Variants in CSMD1 observed in about 807,000 individuals in gnomAD.
CSMD1 encodes the protein CUB and sushi domain-containing protein 1.
Under a neutral mutation model 417.5 loss-of-function variants are expected in CSMD1, and 213 were observed. The observed-to-expected ratio is 0.51, with a 90% CI of 0.46 to 0.57. The LOEUF (loss-of-function observed/expected upper bound fraction) is 0.57. Ranked by LOEUF, CSMD1 falls within the 20% of genes least tolerant of loss-of-function variation. The pLI, the probability that CSMD1 is intolerant of heterozygous loss-of-function variation, is 0.00. For synonymous variants in CSMD1, 2,862 were observed against 1,736.8 expected (o/e 1.65, Z -16.11); for missense variants, 6,923 against 4,529.7 (o/e 1.53, Z -15.17).
At chr8:4,138,684 A>T (rs1249684143) in intron 3 of CSMD1, among the ~76,000 whole-genome samples, 3 of 152,200 alleles carry the variant, frequency 2.0e-5, no homozygotes, top group African/African-American at 7.2e-5. Flanking sequence ...TCAAAGTTAA[A>T]TTGTAATGAA....
intron 3 of CSMD1, among the ~76,000 whole-genome samples, chr8:4,146,492 C>A (rs1371031388): frequency 2.0e-5 from 3 of 149,696 alleles, no homozygotes; most frequent in Non-Finnish European, 2.9e-5. Flanking sequence ...TACCCAGTTC[C>A]TCAGACGTTG....
chr8:4,650,207 T>C (rs926388978), intron 1 of CSMD1, among the ~76,000 whole-genome samples: 1 of 151,466 alleles, frequency 6.6e-6, no homozygotes, highest in Non-Finnish European at 1.5e-5. Context: ...TAGCCGGGTG[T>C]GGTGGCGGGC....
intron 2 of CSMD1, 49 bp from the exon 3 acceptor site, chr8:4,420,114 C>A (rs1563154916): frequency 5.3e-6 from 7 of 1,330,930 alleles, no homozygotes; most frequent in South Asian, 5.1e-5. Context: ...ATGAATTTGT[C>A]AAAAAAAGCT....
chr8:4,496,382 G>T (rs1801979003), intron 2 of CSMD1, among the ~76,000 whole-genome samples: 1 of 152,122 alleles, frequency 6.6e-6, no homozygotes, highest in Non-Finnish European at 1.5e-5. Flanking sequence ...TCCTGACAGG[G>T]GGCTGGAGAG....
At chr8:4,689,591 G>C (rs1313047007) in intron 1 of CSMD1, among the ~76,000 whole-genome samples, 1 of 152,202 alleles carries the variant, frequency 6.6e-6, no homozygotes, top group Non-Finnish European at 1.5e-5. Context: ...GAATAACACA[G>C]TTCAGTAAGA....
At chr8:3,371,690 C>T (rs1218625211) in intron 18 of CSMD1, among the ~76,000 whole-genome samples, 3 of 152,146 alleles carry the variant, frequency 2.0e-5, no homozygotes, top group Admixed American at 6.5e-5. Context: ...TGACTAGCCT[C>T]ATCGTGCTCA....
chr8:4,915,593 G>A (rs370004035), intron 1 of CSMD1, among the ~76,000 whole-genome samples: 3 of 152,192 alleles, frequency 2.0e-5, no homozygotes, highest in African/African-American at 4.8e-5. Context: ...GGACAGCTGG[G>A]GGACTGTTGC....
At chr8:3,158,843 T>A (rs1819703144) in intron 38 of CSMD1, among the ~76,000 whole-genome samples, 1 of 152,108 alleles carries the variant, frequency 6.6e-6, no homozygotes, top group Non-Finnish European at 1.5e-5. Context: ...TAGAGGCAAT[T>A]GAAAAACAAT....
chr8:4,736,445 G>A (rs1351646715), intron 1 of CSMD1, among the ~76,000 whole-genome samples: 1 of 152,118 alleles, frequency 6.6e-6, no homozygotes, highest in African/African-American at 2.4e-5. Flanking sequence ...ACAGAGAGAA[G>A]CAGCAGGCCC....
At chr8:3,894,626 C>T (rs1236197693) in intron 5 of CSMD1, among the ~76,000 whole-genome samples, 2 of 152,128 alleles carry the variant, frequency 1.3e-5, no homozygotes, top group East Asian at 3.9e-4. Flanking sequence ...ATGCTCAGTG[C>T]TAAGGCTAAA....
intron 5 of CSMD1, among the ~76,000 whole-genome samples, chr8:3,877,699 T>G (rs994822835): frequency 6.6e-6 from 1 of 152,230 alleles, no homozygotes; most frequent in Non-Finnish European, 1.5e-5. Flanking sequence ...ACATTTTATA[T>G]ATTTTCATAT....
At chr8:2,960,961 T>TATATATATATATATATAC (rs1408815262) in intron 62 of CSMD1, among the ~76,000 whole-genome samples, 180 bp downstream of exon 62, 192 of 130,796 alleles carry the variant, frequency 1.5e-3, no homozygotes, top group East Asian at 8.6e-3. Flanking sequence ...TATATATATA[T>TATATATATATATATATAC]ATATACATAT....
intron 12 of CSMD1, among the ~76,000 whole-genome samples, chr8:3,451,755 C>A (rs1460998783): frequency 3.3e-5 from 5 of 152,164 alleles, no homozygotes; most frequent in Admixed American, 2.0e-4. Flanking sequence ...AGCATGACGC[C>A]TCCAGCTTTG....
intron 12 of CSMD1, among the ~76,000 whole-genome samples, chr8:3,449,671 C>G (rs1377943727): frequency 6.6e-5 from 10 of 152,072 alleles, no homozygotes; most frequent in East Asian, 1.9e-4. Context: ...GTGACTGCAA[C>G]CATGCCTGGC....
At chr8:4,527,842 T>C (rs1023029569) in intron 2 of CSMD1, among the ~76,000 whole-genome samples, 1 of 152,226 alleles carries the variant, frequency 6.6e-6, no homozygotes, top group Admixed American at 6.5e-5. Flanking sequence ...TCAGCCTGTG[T>C]CTTTAAATGG....
intron 1 of CSMD1, among the ~76,000 whole-genome samples, chr8:4,667,035 G>A (rs184741017): frequency 3.6e-4 from 55 of 152,212 alleles, no homozygotes; most frequent in African/African-American, 1.3e-3. Flanking sequence ...TGTATAATGT[G>A]AGATATAAGT....
At chr8:3,657,240 A>C (rs1002214008) in intron 7 of CSMD1, among the ~76,000 whole-genome samples, 1 of 152,212 alleles carries the variant, frequency 6.6e-6, no homozygotes. Context: ...ATCAACATAC[A>C]AAAGCAGCAG....
At chr8:4,758,810 A>C (rs1392149697) in intron 1 of CSMD1, among the ~76,000 whole-genome samples, 2 of 152,136 alleles carry the variant, frequency 1.3e-5, no homozygotes, top group African/African-American at 2.4e-5. Flanking sequence ...ACCTTCCCCC[A>C]TAATCCAACC....
At chr8:4,201,925 T>A (rs1799672147) in intron 3 of CSMD1, among the ~76,000 whole-genome samples, 1 of 145,528 alleles carries the variant, frequency 6.9e-6, no homozygotes, top group African/African-American at 2.6e-5. Flanking sequence ...CCATGCTCAA[T>A]AGCATTTATT....
Sources: gnomAD v4.1 joint callset for allele counts (sites outside exome capture counted in the v4.1 genomes callset) on GRCh38, gnomAD v4.1.1 for gene constraint, MANE v1.5 for transcripts, NCBI Gene and HGNC (gene_info 2026-07-23, HGNC 2026-07-21) for gene names.